BRSK1: variants seen among roughly 807,000 people sequenced by gnomAD.
BRSK1 encodes BR serine/threonine kinase 1, also known as serine/threonine-protein kinase BRSK1.
Under a neutral mutation model 86.2 loss-of-function variants are expected in BRSK1, and 17 were observed. The ratio of observed to expected loss-of-function variants is 0.20; its 90% CI spans 0.14 to 0.30. BRSK1 has a LOEUF of 0.30. BRSK1 is among the 10% of genes least tolerant of loss of function. The probability of loss-of-function intolerance (pLI) is 1.00; values close to 1 mark genes in which losing one functional copy is unlikely to be tolerated. For synonymous variants in BRSK1, 464 were observed against 440.1 expected, an observed-to-expected ratio of 1.05 and a Z score of -0.68; for missense variants, 719 against 1,071.9, an observed-to-expected ratio of 0.67 and a Z score of 4.60.
At chr19:55,299,844 C>T (rs980538239) in intron 7 of BRSK1, among the ~76,000 whole-genome samples, 6 of 152,152 alleles carry the variant, frequency 3.9e-5, no homozygotes, top group African/African-American at 1.4e-4. Context: ...GAGGTGCCTT[C>T]TCTGTATCTC....
At chr19:55,301,731 G>A (rs1600184956) in intron 8 of BRSK1, 73 bp downstream of exon 8, 1 of 1,524,106 alleles carries the variant, frequency 6.6e-7, no homozygotes, top group South Asian at 1.2e-5. Context: ...AAAAGTCATG[G>A]GGATGGGTTT....
Position 55,289,435 on chromosome 19 carries a change from C to T in BRSK1, c.318-45C>T, listed in dbSNP as rs562166468. ...AAGTGGGAGACCAGGCCCTTTGGTC[C>T]TCCACATGCCCCTTCCAGCCCTCTG... On this transcript the variant is annotated intron_variant, in intron 3 of 18. Coordinates refer to ENST00000309383, the MANE Select transcript of BRSK1 (RefSeq NM_032430.2). 3.3e-4 allele frequency: 521 copies of T among 1,574,060 alleles called. 3 individuals carry two copies. In the South Asian group the frequency reaches 5.8e-3, roughly 18 times the overall value.
rs2088648710 is a variant in BRSK1, at chr19:55,306,224, C to T, written c.1891-28C>T. 6 of 1,611,738 alleles carry T rather than the reference C, an allele frequency of 3.7e-6. No homozygotes were observed. Among genetic ancestry groups the T allele is most frequent in the Non-Finnish European group, 4.2e-6 (5 of 1,178,690 alleles). Reference sequence around the variant, plus strand: ...GCTGGGTATCCATTTCCTGGGCTCACCCCTTCCTGTGTTCCTACCTCGCTC... The same window carrying T: ...GCTGGGTATCCATTTCCTGGGCTCATCCCTTCCTGTGTTCCTACCTCGCTC... On this transcript the variant is annotated intron_variant, in intron 16 of 18. Transcript: ENST00000309383. The surrounding 1 kb of genome is among the most constrained non-coding windows in gnomAD (Gnocchi z 4.7).
At position 55,303,155 on chromosome 19, in the gene BRSK1, G is replaced by A. The variant is rs2088597209; in HGVS notation, c.1029-156G>A. 2 of 663,368 alleles carry A rather than the reference G, an allele frequency of 3.0e-6. No homozygotes were observed. The highest frequency in any genetic ancestry group is 2.8e-5 in the Admixed American group (1 of 36,000). 41.1% of individuals were successfully genotyped at this position (663,368 alleles called of 1,614,324 possible). Reference sequence around the variant, plus strand: ...TTATAATTGAGTGAAACACAGCTGAGATGTACCCTAAACCAGAGAAACTGA... The same window carrying A: ...TTATAATTGAGTGAAACACAGCTGAAATGTACCCTAAACCAGAGAAACTGA... On this transcript the variant is annotated intron_variant, in intron 10 of 18. Transcript: ENST00000309383. The surrounding 1 kb of genome is among the most constrained non-coding windows in gnomAD (Gnocchi z 5.1).
intron 7 of BRSK1, among the ~76,000 whole-genome samples, chr19:55,295,884 G>A (rs1385262651): frequency 1.3e-5 from 2 of 152,116 alleles, no homozygotes. Context: ...CAGGAGAATC[G>A]CTTGAACCCA....
In BRSK1 at chr19:55,287,082, C is replaced by T. The variant is rs1359287747; in HGVS notation, c.212C>T (p.Ser71Leu). 1.3e-6 allele frequency: 2 copies of T among 1,580,096 alleles called. No homozygotes were observed. Among genetic ancestry groups the T allele is most frequent in the Non-Finnish European group, 1.7e-6 (2 of 1,160,576 alleles). Residue 71 changes from serine (S) to leucine (L), a missense_variant, in exon 2 of 19, where the codon TCG becomes TTG. By Grantham distance (145) the Ser-to-Leu change is moderately radical. Around this residue, in one of 6 missense-constraint regions of BRSK1, gnomAD observed 71 missense variants for 92.6 expected, o/e 0.77. Transcript: ENST00000309383. This position sits in a 1 kb window ranked among gnomAD's most constrained non-coding sequence, Gnocchi z 5.3. The part of the protein sequence containing the change: ...AIKIVNREKL[S>L]ESVLMKVERE... ...AAGATCGTGAACCGGGAGAAGCTGT[C>T]GGAGTCGGTGCTGATGAAGGTGTGT...
In BRSK1 at chr19:55,298,969, C is replaced by A. The variant is rs1276627784; in HGVS notation, c.679-2543C>A. On this transcript the variant is annotated intron_variant, in intron 7 of 18. Transcript: ENST00000309383. The stretch of plus-strand genomic sequence containing the variant: ...TGTCTTTAAGCTGGGTGCGGTGGCT[C>A]ACGCCTGTAATCCCAGCACTTTAGG... Among the ~76,000 whole-genome samples the A allele has an allele frequency of 5.9e-5, 9 of 152,228 alleles. No homozygotes were observed. The South Asian group carries it at 1.5e-3, about 25-fold the overall frequency.
Position 55,304,481 on chromosome 19 carries a change from T to G in BRSK1, c.1348-70T>G. On this transcript the variant is annotated intron_variant, in intron 13 of 18. Coordinates refer to ENST00000309383, the MANE Select transcript of BRSK1 (RefSeq NM_032430.2). This position sits in a 1 kb window ranked among gnomAD's most constrained non-coding sequence, Gnocchi z 5.2. ...GGGCCAGCGTCCGTGAGTGTGCGTG[T>G]GAGTGGGGCTCCTAGAGCCTCCTGG... is the stretch of plus-strand genomic sequence containing the variant. 6.8e-7 allele frequency: 1 copy of G among 1,459,998 alleles called. No individual in the cohort carries two copies. Among genetic ancestry groups the G allele is most frequent in the African/African-American group, 1.4e-5 (1 of 69,908 alleles). The allele number at this position is 1,459,998 out of a possible 1,614,324, so 90.4% of individuals were successfully genotyped here.
At chr19:55,289,657 G>T (rs1284621196) in intron 4 of BRSK1, 37 bp downstream of exon 4, 1 of 1,607,586 alleles carries the variant, frequency 6.2e-7, no homozygotes, top group African/African-American at 1.3e-5. Context: ...GGGGCTGAGG[G>T]CTGCCCAGCA....
chr19:55,299,030 G>C (rs577404326), intron 7 of BRSK1, among the ~76,000 whole-genome samples: 2 of 152,028 alleles, frequency 1.3e-5, no homozygotes, highest in Admixed American at 1.3e-4. Flanking sequence ...TCAGGAGTTC[G>C]AGACCAGCCT....
Position 55,310,902 on chromosome 19 carries a change from A to C in BRSK1, c.2180-1009A>C, listed in dbSNP as rs922562815. ...GCTCAGCCACCATCTCATAAAGGAG[A>C]ATGGGGTGGGGGGTGCAGGCCTCCG... On this transcript the variant is annotated intron_variant, in intron 18 of 18. Transcript: ENST00000309383. The surrounding 1 kb of genome is among the most constrained non-coding windows in gnomAD (Gnocchi z 5.0). Among the ~76,000 whole-genome samples the C allele has an allele frequency of 6.6e-6, 1 of 151,924 alleles. No individual in the cohort carries two copies. Among genetic ancestry groups the C allele is most frequent in the African/African-American group, 2.4e-5 (1 of 41,366 alleles).
chr19:55,304,425 G>T lies in BRSK1; in HGVS notation c.1348-126G>T, dbSNP rs564691534. On this transcript the variant is annotated intron_variant, in intron 13 of 18. Transcript: ENST00000309383. This position sits in a 1 kb window ranked among gnomAD's most constrained non-coding sequence, Gnocchi z 5.2. ...CCTTGCTCTGGGGCCTGGGAAGGAG[G>T]ATACTTGGACTACAAGTTGCAGCAT... The T allele has an allele frequency of 2.0e-4, 242 of 1,190,622 alleles. No individual in the cohort carries two copies. The African/African-American group carries it at 3.4e-3, about 17-fold the overall frequency. 73.8% of individuals were successfully genotyped at this position (1,190,622 alleles called of 1,614,324 possible). A position where few individuals can be genotyped will look rare whatever the true frequency, so the allele number is the denominator to read the frequency against.
rs912847347 is a variant in BRSK1, at chr19:55,306,143, C to A, written c.1891-109C>A. The A allele has an allele frequency of 1.8e-6, 2 of 1,100,744 alleles. No homozygotes were observed. Among genetic ancestry groups the A allele is most frequent in the African/African-American group, 3.1e-5 (2 of 64,376 alleles). 68.2% of individuals were successfully genotyped at this position (1,100,744 alleles called of 1,614,324 possible). On this transcript the variant is annotated intron_variant, in intron 16 of 18. Transcript: ENST00000309383. This position sits in a 1 kb window ranked among gnomAD's most constrained non-coding sequence, Gnocchi z 4.7. ...GCCTCCCAATGCATTTCCTGTCCTT[C>A]TTTCCCTCCAGTGGCTCATGGGACT...
chr19:55,311,457 C>T (rs1183810402), intron 18 of BRSK1, among the ~76,000 whole-genome samples: 3 of 152,258 alleles, frequency 2.0e-5, no homozygotes, highest in Non-Finnish European at 2.9e-5. Context: ...GAGACCCCCC[C>T]GACTCCACCA....
At chr19:55,289,127 T>C (rs1036234212) in intron 3 of BRSK1, among the ~76,000 whole-genome samples, 7 of 151,770 alleles carry the variant, frequency 4.6e-5, no homozygotes, top group Non-Finnish European at 1.0e-4. Context: ...GCTAATAGAG[T>C]CGCCTTATCT....
intron 7 of BRSK1, among the ~76,000 whole-genome samples, chr19:55,296,440 G>T (rs2088488118): frequency 6.6e-6 from 1 of 152,188 alleles, no homozygotes; most frequent in Non-Finnish European, 1.5e-5. Context: ...ACTCACGCCA[G>T]TAATCCCAGC....
chr19:55,298,163 G>A (rs1228252828), intron 7 of BRSK1, among the ~76,000 whole-genome samples: 4 of 145,674 alleles, frequency 2.7e-5, no homozygotes, highest in African/African-American at 1.0e-4. Flanking sequence ...CTGGCACAAT[G>A]CTTGATGATT....
In BRSK1 at chr19:55,304,157, G is replaced by T; in HGVS notation, c.1347+47G>T. ...GATTTAAGAAGGAGAAAGGGGTGGA[G>T]ACATGGAGCAAAGATTGAGTAGCAG... On this transcript the variant is annotated intron_variant, in intron 13 of 18. Coordinates refer to ENST00000309383, the MANE Select transcript of BRSK1 (RefSeq NM_032430.2). The surrounding 1 kb of genome is among the most constrained non-coding windows in gnomAD (Gnocchi z 5.2). 6.5e-7 allele frequency: 1 copy of T among 1,550,374 alleles called. No homozygotes were observed. The highest frequency in any genetic ancestry group is 8.8e-7 in the Non-Finnish European group (1 of 1,135,566).
chr19:55,287,188 G>A lies in BRSK1; in HGVS notation c.232-26G>A, dbSNP rs182987265. ...CGGGGCCGTGCTGACCTCTTTTCCC[G>A]TGTCCCCACCCCTCTTGACCCTCAG... On this transcript the variant is annotated intron_variant, in intron 2 of 18. Coordinates refer to ENST00000309383, the MANE Select transcript of BRSK1 (RefSeq NM_032430.2). The surrounding 1 kb of genome is among the most constrained non-coding windows in gnomAD (Gnocchi z 5.3). 1.7e-5 allele frequency: 28 copies of A among 1,613,770 alleles called. No homozygotes were observed. Among genetic ancestry groups the A allele is most frequent in the Non-Finnish European group, 2.1e-5 (25 of 1,179,704 alleles).
Sources: allele counts gnomAD v4.1 joint callset (sites outside exome capture counted in the v4.1 genomes callset), GRCh38; gene constraint gnomAD v4.1.1; regional missense constraint gnomAD v4.1.1; non-coding constraint Gnocchi (gnomAD v3.1); transcripts MANE v1.5; gene names NCBI Gene and HGNC (gene_info 2026-07-23, HGNC 2026-07-21).